B3GALT9: variants seen among roughly 807,000 people sequenced by gnomAD.
B3GALT9 encodes the protein UDP-GlcNAc:betaGal beta-1,3-N-acetylglucosaminyltransferase 10 (putative).
rs919489828 is a variant in B3GALT9 at position 120,801,189 on chromosome 9, T to G, written c.*1511T>G. 6.6e-6 allele frequency among the ~76,000 whole-genome samples: 1 copy of G among 152,242 alleles called. No homozygotes were observed. Among genetic ancestry groups the G allele is most frequent in the Admixed American group, 6.5e-5 (1 of 15,284 alleles). ...GAATGTGGGGAGTGCAGATATCTCT[T>G]TAACATACTGATTTAATATCTTTTG... is the stretch of plus-strand genomic sequence containing the variant. On this transcript the variant is annotated 3_prime_UTR_variant, in exon 3 of 3. Transcript: ENST00000689072.
Position 120,793,732 on chromosome 9 carries a change from G to C in B3GALT9, c.-372G>C. ...ATTTTACGGAGGAGAGGGAGCTGTG[G>C]CTTAGAGAAGTTAAGAGACGTGTCC... On this transcript the variant is annotated 5_prime_UTR_variant, in exon 1 of 3. Coordinates refer to ENST00000689072, the MANE Select transcript of B3GALT9 (RefSeq NM_001386823.1). The C allele has an allele frequency of 2.5e-6, 1 of 398,588 alleles. No individual in the cohort carries two copies. Among genetic ancestry groups the C allele is most frequent in the Non-Finnish European group, 4.4e-6 (1 of 226,076 alleles). The allele number at this position is 398,588 out of a possible 1,614,324, so 24.7% of individuals were successfully genotyped here. A position where few individuals can be genotyped will look rare whatever the true frequency, so the allele number is the denominator to read the frequency against.
intron 2 of B3GALT9, among the ~76,000 whole-genome samples, chr9:120,798,233 T>C (rs576749405): frequency 1.2e-4 from 18 of 152,360 alleles, no homozygotes; most frequent in African/African-American, 4.1e-4. Context: ...TATCCATGTG[T>C]CTGTGTCCAA....
rs567192883 is a variant in B3GALT9 at position 120,801,199 on chromosome 9, G to A, written c.*1521G>A. Among the ~76,000 whole-genome samples, 4 of 152,252 alleles carry A rather than the reference G, an allele frequency of 2.6e-5. No homozygotes were observed. In the East Asian group the frequency reaches 5.8e-4, roughly 22 times the overall value. Reference sequence around the variant, plus strand: ...AGTGCAGATATCTCTTTAACATACTGATTTAATATCTTTTGGATATATTTC... The same window carrying A: ...AGTGCAGATATCTCTTTAACATACTAATTTAATATCTTTTGGATATATTTC... On this transcript the variant is annotated 3_prime_UTR_variant, in exon 3 of 3. Coordinates refer to ENST00000689072, the MANE Select transcript of B3GALT9 (RefSeq NM_001386823.1).
At position 120,793,474 on chromosome 9, in the gene B3GALT9, C is replaced by G; in HGVS notation, c.-630C>G. 1 of 398,758 alleles carries G rather than the reference C, an allele frequency of 2.5e-6. No individual in the cohort carries two copies. Among genetic ancestry groups the G allele is most frequent in the Non-Finnish European group, 4.4e-6 (1 of 226,520 alleles). The allele number at this position is 398,758 out of a possible 1,614,324, so 24.7% of individuals were successfully genotyped here. On this transcript the variant is annotated 5_prime_UTR_variant, in exon 1 of 3. Coordinates refer to ENST00000689072, the MANE Select transcript of B3GALT9 (RefSeq NM_001386823.1). ...CTCCCGGCGGAAGCGGCTGCACTTCCGGTCCCCGCCCGGAGGTGGGTGGTG... is the reference window on the plus strand; with the variant it reads ...CTCCCGGCGGAAGCGGCTGCACTTCGGGTCCCCGCCCGGAGGTGGGTGGTG...
chr9:120,795,912 G>A (rs1404565727), intron 1 of B3GALT9, among the ~76,000 whole-genome samples: 1 of 152,194 alleles, frequency 6.6e-6, no homozygotes, highest in Admixed American at 6.5e-5. Context: ...CGGCTAAAGT[G>A]GACTGTATGT....
chr9:120,795,456 AT>A (rs1185563872), intron 1 of B3GALT9, among the ~76,000 whole-genome samples: 3 of 152,360 alleles, frequency 2.0e-5, no homozygotes, highest in South Asian at 2.1e-4. Context: ...AAATTTTTAA[AT>A]TGCAAAGTGG....
rs1239092631 is a variant in B3GALT9, at chr9:120,799,530, C to T, written c.962C>T (p.Ala321Val). The change falls in exon 3 of 3, where the codon GCA (alanine) becomes GTA (valine). Residue 321 changes from alanine (A) to valine (V), a missense_variant. By Grantham distance (64) the Ala-to-Val change is moderately conservative (BLOSUM62 0). Coordinates refer to ENST00000689072, the MANE Select transcript of B3GALT9 (RefSeq NM_001386823.1). ...SEIADPEMPL[A>V]WKEINDGKEC... ...ATTGCAGATCCTGAAATGCCCCTAGCATGGAAGGAAATTAATGATGGAAAA... is the reference window on the plus strand; with the variant it reads ...ATTGCAGATCCTGAAATGCCCCTAGTATGGAAGGAAATTAATGATGGAAAA... 2.5e-6 allele frequency: 1 copy of T among 399,530 alleles called. No individual in the cohort carries two copies. Among genetic ancestry groups the T allele is most frequent in the Non-Finnish European group, 4.4e-6 (1 of 226,216 alleles). 24.7% of individuals were successfully genotyped at this position (399,530 alleles called of 1,614,324 possible).
Position 120,793,817 on chromosome 9 carries a change from T to TA in B3GALT9, c.-286dup. 2.5e-6 allele frequency: 1 copy of TA among 394,006 alleles called. No individual in the cohort carries two copies. The highest frequency in any genetic ancestry group is 4.5e-6 in the Non-Finnish European group (1 of 223,734). 24.4% of individuals were successfully genotyped at this position (394,006 alleles called of 1,614,324 possible). A position where few individuals can be genotyped will look rare whatever the true frequency, so the allele number is the denominator to read the frequency against. On this transcript the variant is annotated 5_prime_UTR_variant, in exon 1 of 3. Coordinates refer to ENST00000689072, the MANE Select transcript of B3GALT9 (RefSeq NM_001386823.1). ...CGAACGCTGTTCTAGGGGATAGGGT[T>TA]AGTGAACAAAAAACGCAAAAGCCCC...
Position 120,793,475 on chromosome 9 carries a change from G to A in B3GALT9, c.-629G>A, listed in dbSNP as rs1040941072. On this transcript the variant is annotated 5_prime_UTR_variant, in exon 1 of 3. Coordinates refer to ENST00000689072, the MANE Select transcript of B3GALT9 (RefSeq NM_001386823.1). ...TCCCGGCGGAAGCGGCTGCACTTCC[G>A]GTCCCCGCCCGGAGGTGGGTGGTGG... 1.0e-5 allele frequency: 4 copies of A among 398,764 alleles called. No individual in the cohort carries two copies. Among genetic ancestry groups the A allele is most frequent in the African/African-American group, 6.2e-5 (3 of 48,612 alleles). 24.7% of individuals were successfully genotyped at this position (398,764 alleles called of 1,614,324 possible). A position where few individuals can be genotyped will look rare whatever the true frequency, so the allele number is the denominator to read the frequency against.
intron 2 of B3GALT9, among the ~76,000 whole-genome samples, chr9:120,798,310 C>T (rs961458773): frequency 6.6e-6 from 1 of 152,204 alleles, no homozygotes; most frequent in Non-Finnish European, 1.5e-5. Context: ...TTTATCCAAA[C>T]AAGCAAGAAA....
At chr9:120,797,461 G>A (rs973100388) in intron 2 of B3GALT9, among the ~76,000 whole-genome samples, 1 of 150,448 alleles carries the variant, frequency 6.6e-6, no homozygotes, top group Non-Finnish European at 1.5e-5. Context: ...AGCCAAGATC[G>A]CACCACTGCA....
intron 1 of B3GALT9, among the ~76,000 whole-genome samples, chr9:120,795,346 C>T (rs1330138067): frequency 6.6e-6 from 1 of 152,136 alleles, no homozygotes; most frequent in Non-Finnish European, 1.5e-5. Flanking sequence ...GATGGAGCTG[C>T]CCCAGAGATA....
Position 120,799,947 on chromosome 9 carries a change from T to G in B3GALT9, c.*269T>G. ...ATTATGTTTCATTGTTTATTTAGTT[T>G]TCGTTTTTTTTTTTTCTTTTGAGAC... On this transcript the variant is annotated 3_prime_UTR_variant, in exon 3 of 3. Coordinates refer to ENST00000689072, the MANE Select transcript of B3GALT9 (RefSeq NM_001386823.1). 5.6e-6 allele frequency: 1 copy of G among 179,364 alleles called. No individual in the cohort carries two copies. Among genetic ancestry groups the G allele is most frequent in the Non-Finnish European group, 9.4e-6 (1 of 106,944 alleles). 11.1% of individuals were successfully genotyped at this position (179,364 alleles called of 1,614,324 possible).
Position 120,793,491 on chromosome 9 carries a change from T to TGGGTGGTGGGAGGC in B3GALT9, c.-612_-599dup. ...TGCACTTCCGGTCCCCGCCCGGAGG[T>TGGGTGGTGGGAGGC]GGGTGGTGGGAGGCTGGAGGCCGGG... On this transcript the variant is annotated 5_prime_UTR_variant, in exon 1 of 3. Coordinates refer to ENST00000689072, the MANE Select transcript of B3GALT9 (RefSeq NM_001386823.1). 2.5e-6 allele frequency: 1 copy of TGGGTGGTGGGAGGC among 398,276 alleles called. No homozygotes were observed. Among genetic ancestry groups the TGGGTGGTGGGAGGC allele is most frequent in the South Asian group, 1.3e-4 (1 of 7,662 alleles). 24.7% of individuals were successfully genotyped at this position (398,276 alleles called of 1,614,324 possible). A position where few individuals can be genotyped will look rare whatever the true frequency, so the allele number is the denominator to read the frequency against.
rs914841 is a variant in B3GALT9 at position 120,793,557 on chromosome 9, G to T, written c.-547G>T. 10,209 of 400,304 alleles carry T rather than the reference G, an allele frequency of 0.026. 791 individuals carry two copies. The highest frequency in any genetic ancestry group is 0.17 in the East Asian group (4,796 of 28,052). The allele number at this position is 400,304 out of a possible 1,614,324, so 24.8% of individuals were successfully genotyped here. A position where few individuals can be genotyped will look rare whatever the true frequency, so the allele number is the denominator to read the frequency against. ...AAGAGCGTCCCGGGAAGCTGAACGC[G>T]TGCCGCGCGGCCCTCACGGTGCTTA... On this transcript the variant is annotated 5_prime_UTR_variant, in exon 1 of 3. Coordinates refer to ENST00000689072, the MANE Select transcript of B3GALT9 (RefSeq NM_001386823.1).
intron 2 of B3GALT9, among the ~76,000 whole-genome samples, chr9:120,797,520 A>AG (rs1043086031): frequency 1.3e-5 from 2 of 152,056 alleles, no homozygotes; most frequent in Non-Finnish European, 2.9e-5. Context: ...AAAAAAAAAA[A>AG]GAATGAGCTT....
chr9:120,799,742 G>T lies in B3GALT9; in HGVS notation c.*64G>T, dbSNP rs117268816. On this transcript the variant is annotated 3_prime_UTR_variant, in exon 3 of 3. Transcript: ENST00000689072. ...GTTACCTTCTACCCTGTTATGGAAA[G>T]CATCCCTTCTTTCCCATGTTTTATG... 8,349 of 397,786 alleles carry T rather than the reference G, an allele frequency of 0.021. 113 individuals carry two copies. The highest frequency in any genetic ancestry group is 0.029 in the Non-Finnish European group (6,542 of 225,968). The allele number at this position is 397,786 out of a possible 1,614,324, so 24.6% of individuals were successfully genotyped here.
rs2044960028 is a variant in B3GALT9 at position 120,799,850 on chromosome 9, A to G, written c.*172A>G. On this transcript the variant is annotated 3_prime_UTR_variant, in exon 3 of 3. Transcript: ENST00000689072. ...GGTGTGCTCAATTACTGAGATCTCA[A>G]ATTTTTAAAAAATTTAAGTTGGTGT... 2 of 392,484 alleles carry G rather than the reference A, an allele frequency of 5.1e-6. No homozygotes were observed. Among genetic ancestry groups the G allele is most frequent in the Admixed American group, 4.4e-5 (1 of 22,576 alleles). The allele number at this position is 392,484 out of a possible 1,614,324, so 24.3% of individuals were successfully genotyped here. A position where few individuals can be genotyped will look rare whatever the true frequency, so the allele number is the denominator to read the frequency against.
Position 120,799,569 on chromosome 9 carries a change from T to C in B3GALT9, c.1001T>C (p.Phe334Ser). Reference protein sequence around the residue: ...EINDGKECTLFETSYELISCK... With the variant: ...EINDGKECTLSETSYELISCK... The stretch of plus-strand genomic sequence containing the variant: ...AATGATGGAAAAGAATGTACACTGT[T>C]TGAGACATCCTATGAGCTCATTTCC... Residue 334 changes from phenylalanine (F) to serine (S), a missense_variant, in exon 3 of 3, where the codon TTT (phenylalanine) becomes TCT (serine). Phe to Ser is a radical substitution (Grantham distance 155, BLOSUM62 -2). Coordinates refer to ENST00000689072, the MANE Select transcript of B3GALT9 (RefSeq NM_001386823.1). 1 of 399,714 alleles carries C rather than the reference T, an allele frequency of 2.5e-6. No homozygotes were observed. The highest frequency in any genetic ancestry group is 4.4e-6 in the Non-Finnish European group (1 of 226,214). The allele number at this position is 399,714 out of a possible 1,614,324, so 24.8% of individuals were successfully genotyped here. A position where few individuals can be genotyped will look rare whatever the true frequency, so the allele number is the denominator to read the frequency against.
Sources: allele counts gnomAD v4.1 joint callset (sites outside exome capture counted in the v4.1 genomes callset), GRCh38; gene constraint gnomAD v4.1.1; transcripts MANE v1.5; gene names NCBI Gene and HGNC (gene_info 2026-07-23, HGNC 2026-07-21).